The following OPHN1 variants were observed in gnomAD, a reference collection of about 807,000 sequenced individuals.
OPHN1 encodes the protein oligophrenin-1.
In OPHN1, 11 loss-of-function variants were observed where a neutral mutation model predicts 60.7. The observed-to-expected ratio is 0.18, with a 90% confidence interval of 0.11 to 0.30. The LOEUF (loss-of-function observed/expected upper bound fraction) is 0.30, where lower values mean the gene tolerates loss of function less well. Among genes scored for constraint, OPHN1 ranks in the 10% least tolerant of loss-of-function variants. The probability of loss-of-function intolerance (pLI) is 1.00; values close to 1 mark genes in which losing one functional copy is unlikely to be tolerated. For missense variants in OPHN1, 449 were observed against 611.0 expected, an observed-to-expected ratio of 0.73 and a Z score of 2.80; for synonymous variants, 226 against 222.6, an observed-to-expected ratio of 1.02 and a Z score of -0.14.
intron 2 of OPHN1, among the ~76,000 whole-genome samples, chrX:68,369,105 G>T (rs1343762397): frequency 9.1e-6 from 1 of 110,444 alleles, no homozygotes; most frequent in African/African-American, 3.3e-5. Context: ...CTACTCAGGA[G>T]GCTGAGGCAG....
At chrX:68,062,189 G>A (rs1023966202) in intron 21 of OPHN1, among the ~76,000 whole-genome samples, 3 of 111,398 alleles carry the variant, frequency 2.7e-5, no homozygotes, top group Non-Finnish European at 5.6e-5. Context: ...CCAACCTCCC[G>A]ATTCCCATTC....
rs1029860718 is a variant in OPHN1 at position 68,276,220 on chromosome X, C to T, written c.313-1411G>A. Among the ~76,000 whole-genome samples the T allele has an allele frequency of 6.3e-5, 7 of 111,110 alleles. No individual in the cohort carries two copies. In the South Asian group the frequency reaches 1.6e-3, roughly 25 times the overall value. ...CTCTTGCCTGCTAACATTTCCAGAC[C>T]CTGTCTGATTCTCATCACATCTCTT... On this transcript the variant is annotated intron_variant, in intron 4 of 24. Coordinates refer to ENST00000355520, the MANE Select transcript of OPHN1 (RefSeq NM_002547.3).
At chrX:68,060,461 G>A (rs1352321737) in intron 21 of OPHN1, among the ~76,000 whole-genome samples, 5 of 111,230 alleles carry the variant, frequency 4.5e-5, no homozygotes, top group African/African-American at 9.8e-5. Flanking sequence ...ATGATTAGAC[G>A]CAACAGAAGA....
At chrX:68,272,166 T>C (rs764612721) in intron 5 of OPHN1, among the ~76,000 whole-genome samples, 31 of 111,780 alleles carry the variant, frequency 2.8e-4, no homozygotes, top group Non-Finnish European at 5.1e-4. Flanking sequence ...AGGGGTAGCC[T>C]ATAAGCTTCA....
At chrX:68,189,687 TC>T (rs1436267049) in intron 15 of OPHN1, among the ~76,000 whole-genome samples, 6 of 111,573 alleles carry the variant, frequency 5.4e-5, no homozygotes. Flanking sequence ...ACATAAAGCA[TC>T]ATACAAAAAT....
At chrX:68,161,379 C>T (rs1742097819) in intron 15 of OPHN1, among the ~76,000 whole-genome samples, 1 of 110,595 alleles carries the variant, frequency 9.0e-6, no homozygotes, top group South Asian at 3.8e-4. Flanking sequence ...ATACCAAAAC[C>T]AGAATACGAC....
In OPHN1 at chrX:68,286,991, G is replaced by A. The variant is rs775014702; in HGVS notation, c.251-3874C>T. 1.0e-4 allele frequency among the ~76,000 whole-genome samples: 11 copies of A among 106,112 alleles called. No individual in the cohort carries two copies. The South Asian group carries it at 1.3e-3, about 13-fold the overall frequency. 92.1% of individuals were successfully genotyped at this position (106,112 alleles called of 115,157 possible). On this transcript the variant is annotated intron_variant, in intron 3 of 24. Coordinates refer to ENST00000355520, the MANE Select transcript of OPHN1 (RefSeq NM_002547.3). ...GATGCCACTACTGCACTACAGCCTG[G>A]ATGAGAGAGAGAGAAAGAGAGAGAG...
At chrX:68,167,839 A>G (rs1052545021) in intron 15 of OPHN1, among the ~76,000 whole-genome samples, 1 of 110,471 alleles carries the variant, frequency 9.1e-6, no homozygotes, top group Non-Finnish European at 1.9e-5. Context: ...CAACTTAAGT[A>G]TCCATCAACA....
intron 11 of OPHN1, among the ~76,000 whole-genome samples, chrX:68,200,132 T>C (rs2077528685): frequency 9.0e-6 from 1 of 111,724 alleles, no homozygotes; most frequent in Non-Finnish European, 1.9e-5. Context: ...TATGTGACTT[T>C]AGTTGGGCAA....
chrX:68,328,326 C>CA (rs1270794238), intron 2 of OPHN1, among the ~76,000 whole-genome samples: 1 of 109,383 alleles, frequency 9.1e-6, no homozygotes, highest in Non-Finnish European at 1.9e-5. Context: ...GACAGGGTTT[C>CA]ACCATGTTAG....
At chrX:68,270,132 CT>C (rs1384782268) in intron 5 of OPHN1, among the ~76,000 whole-genome samples, 1 of 111,191 alleles carries the variant, frequency 9.0e-6, no homozygotes, top group East Asian at 2.8e-4. Context: ...CACTTTTACA[CT>C]GTTGGTGGGA....
In OPHN1 at chrX:68,096,874, C is replaced by A; in HGVS notation, c.1682G>T (p.Gly561Val). 8.3e-7 allele frequency: 1 copy of A among 1,210,018 alleles called. No individual in the cohort carries two copies. The highest frequency in any genetic ancestry group is 1.1e-6 in the Non-Finnish European group (1 of 894,825). The change falls in exon 19 of 25, where the codon GGC (glycine) becomes GTC (valine). Residue 561 changes from glycine to valine, a missense_variant. Around this residue, in one of 4 missense-constraint regions of OPHN1, gnomAD observed 166 missense variants for 278.4 expected, o/e 0.60. Coordinates refer to ENST00000355520, the MANE Select transcript of OPHN1 (RefSeq NM_002547.3). ...IVVEILIEHFGKIYLGPPEES... is the reference protein window; with the variant it reads ...IVVEILIEHFVKIYLGPPEES... ...GTGAGAATAGAAAATGCATACCTTG[C>A]CAAAGTGCTCGATTAGTATTTCCAC...
intron 5 of OPHN1, among the ~76,000 whole-genome samples, chrX:68,267,699 A>C (rs2077939280): frequency 8.9e-6 from 1 of 112,581 alleles, no homozygotes; most frequent in Non-Finnish European, 1.9e-5. Flanking sequence ...GAACTGAAGG[A>C]AACAGAGACA....
At chrX:68,256,717 A>G (rs936236083) in intron 5 of OPHN1, among the ~76,000 whole-genome samples, 2 of 111,785 alleles carry the variant, frequency 1.8e-5, no homozygotes, top group African/African-American at 3.3e-5. Flanking sequence ...AATTTTACAT[A>G]TACATTTTGT....
intron 2 of OPHN1, among the ~76,000 whole-genome samples, chrX:68,317,376 A>AAAGAAAGAAAGAAAGGAAGGAAGGAAGG (rs1555970490): frequency 5.9e-5 from 3 of 50,576 alleles, no homozygotes; most frequent in South Asian, 1.1e-3. Context: ...AGAAAGAAAG[A>AAAGAAAGAAAGAAAGGAAGGAAGGAAGG]AAGGAAGGAA....
chrX:68,124,316 A>T (rs1178525085), intron 15 of OPHN1, among the ~76,000 whole-genome samples: 2 of 110,884 alleles, frequency 1.8e-5, no homozygotes. Flanking sequence ...GATCATTATG[A>T]CCCCATAACG....
chrX:68,070,637 G>A, intron 20 of OPHN1: 2 of 753,986 alleles, frequency 2.7e-6, no homozygotes, highest in Non-Finnish European at 4.2e-6. Context: ...ATTTGGCACA[G>A]CAAGTGGCAG....
At chrX:68,208,608 T>C (rs188106652) in intron 9 of OPHN1, among the ~76,000 whole-genome samples, 1 of 112,305 alleles carries the variant, frequency 8.9e-6, no homozygotes, top group Non-Finnish European at 1.9e-5. Flanking sequence ...CCCCAATGCA[T>C]TGCACAGTAT....
chrX:68,280,163 A>G (rs1694672648), intron 4 of OPHN1, among the ~76,000 whole-genome samples: 1 of 111,889 alleles, frequency 8.9e-6, no homozygotes, highest in Admixed American at 9.5e-5. Context: ...TACATTTAAA[A>G]GCAAATATTT....
Sources: allele counts gnomAD v4.1 joint callset (sites outside exome capture counted in the v4.1 genomes callset), GRCh38; gene constraint gnomAD v4.1.1; regional missense constraint gnomAD v4.1.1; transcripts MANE v1.5; gene names NCBI Gene and HGNC (gene_info 2026-07-23, HGNC 2026-07-21).